The following ARHGEF1 variants were observed in gnomAD, a reference collection of about 807,000 sequenced individuals.
ARHGEF1 encodes 115 kDa guanine nucleotide exchange factor.
ARHGEF1 carries 40 observed loss-of-function variants against 119.7 expected under a neutral mutation model. That is an observed-to-expected ratio of 0.33 (90% confidence interval 0.26 to 0.44). The LOEUF (loss-of-function observed/expected upper bound fraction) is 0.44, where lower values mean the gene tolerates loss of function less well. Ranked by LOEUF, ARHGEF1 falls within the 20% of genes least tolerant of loss-of-function variation. The pLI is 1.00. For synonymous variants in ARHGEF1, 494 were observed against 521.0 expected (o/e 0.95, Z 0.71); for missense variants, 976 against 1,268.3 (o/e 0.77, Z 3.50).
intron 1 of ARHGEF1, among the ~76,000 whole-genome samples, chr19:41,886,539 C>T (rs2074296532): frequency 1.3e-5 from 2 of 152,128 alleles, no homozygotes; most frequent in African/African-American, 4.8e-5. Context: ...CCTTGGCCTC[C>T]CAAAGTGCTG....
downstream of ARHGEF1, chr19:41,909,729 G>C (rs1466513164): frequency 3.9e-6 from 4 of 1,036,596 alleles, no homozygotes; most frequent in East Asian, 1.1e-4. The surrounding 1 kb of genome is among the most constrained non-coding windows in gnomAD (Gnocchi z 5.2). Context: ...CACAAGTAGC[G>C]ATGGTGGCTA....
rs2074634347 is a variant in ARHGEF1, at chr19:41,903,249, C to T, written c.1739-58C>T. 2.0e-6 allele frequency: 3 copies of T among 1,533,186 alleles called. No homozygotes were observed. Among genetic ancestry groups the T allele is most frequent in the African/African-American group, 2.7e-5 (2 of 73,076 alleles). 95.0% of individuals were successfully genotyped at this position (1,533,186 alleles called of 1,614,324 possible). A position where few individuals can be genotyped will look rare whatever the true frequency, so the allele number is the denominator to read the frequency against. On this transcript the variant is annotated intron_variant, in intron 18 of 28. Transcript: ENST00000354532. The surrounding 1 kb of genome is among the most constrained non-coding windows in gnomAD (Gnocchi z 4.2). ...CTGTCCTTTGTCTAACCTTGGCTGCCCAATCTGGAGCCTCCAGGGCAGGGG... is the reference window on the plus strand; with the variant it reads ...CTGTCCTTTGTCTAACCTTGGCTGCTCAATCTGGAGCCTCCAGGGCAGGGG...
In ARHGEF1 at chr19:41,902,645, G is replaced by A; in HGVS notation, c.1610G>A (p.Cys537Tyr). Residue 537 changes from cysteine (C) to tyrosine (Y), a missense_variant, in exon 17 of 29, where the codon TGT (cysteine) becomes TAT (tyrosine). Physicochemically the swap from Cys to Tyr is radical, Grantham distance 194 (BLOSUM62 -2). Transcript: ENST00000354532. This position sits in a 1 kb window ranked among gnomAD's most constrained non-coding sequence, Gnocchi z 6.5. ...KAKQRKDPRF[C>Y]AFVQEAESRP... ...AAGCAACGCAAGGACCCTCGGTTCT[G>A]TGCCTTCGTGCAGGTGAGGTGGGGT... is the stretch of plus-strand genomic sequence containing the variant. 2 of 1,614,234 alleles carry A rather than the reference G, an allele frequency of 1.2e-6. No homozygotes were observed.
In ARHGEF1 at chr19:41,902,973, C is replaced by T. The variant is rs2074629217; in HGVS notation, c.1738+75C>T. On this transcript the variant is annotated intron_variant, in intron 18 of 28. Coordinates refer to ENST00000354532, the MANE Select transcript of ARHGEF1 (RefSeq NM_004706.4). The surrounding 1 kb of genome is among the most constrained non-coding windows in gnomAD (Gnocchi z 6.5). ...CATTTTTTTTCTCACTCATTTTCAT[C>T]AGTGATACCATCACAGCTCACTGCA... is the stretch of plus-strand genomic sequence containing the variant. The T allele has an allele frequency of 1.6e-6, 2 of 1,219,894 alleles. No homozygotes were observed. The highest frequency in any genetic ancestry group is 5.5e-5 in the Admixed American group (2 of 36,462). 75.6% of individuals were successfully genotyped at this position (1,219,894 alleles called of 1,614,324 possible).
chr19:41,902,478 C>CCAT lies in ARHGEF1; in HGVS notation c.1498-54_1498-53insATC. 6.2e-7 allele frequency: 1 copy of CCAT among 1,612,772 alleles called. No individual in the cohort carries two copies. The highest frequency in any genetic ancestry group is 8.5e-7 in the Non-Finnish European group (1 of 1,179,686). On this transcript the variant is annotated intron_variant, in intron 16 of 28. Coordinates refer to ENST00000354532, the MANE Select transcript of ARHGEF1 (RefSeq NM_004706.4). This position sits in a 1 kb window ranked among gnomAD's most constrained non-coding sequence, Gnocchi z 6.5. ...GGCTTCCAGCCTGTCGTACTTTAGTCCCTGTTCTTGCCCATCCCCACTGAG... is the reference window on the plus strand; with the variant it reads ...GGCTTCCAGCCTGTCGTACTTTAGTCCATCCTGTTCTTGCCCATCCCCACTGAG...
At chr19:41,929,629 C>G (rs1276372615) in intron 2 of ARHGEF1, 1 of 152,642 alleles carries the variant, frequency 6.6e-6, no homozygotes, top group East Asian at 1.9e-4. Flanking sequence ...AACCCACCAC[C>G]CCCGACTTTT....
rs370594565 is a variant in ARHGEF1, at chr19:41,906,517, G to A, written c.2552G>A (p.Arg851Gln). The change falls in exon 27 of 29, where the codon CGA becomes CAA. Residue 851 changes from arginine to glutamine, a missense_variant. Physicochemically the swap from Arg to Gln is conservative, Grantham distance 43. This residue lies in a region of ARHGEF1 where 171 missense variants were observed against 180.6 expected (regional missense o/e 0.95). Transcript: ENST00000354532. This position sits in a 1 kb window ranked among gnomAD's most constrained non-coding sequence, Gnocchi z 4.5. ...GAAGACAATGGGGCGGGGCCTCCTC[G>A]AGATGGGGATGGGGTCCCAGGGGGC... ...AEEDNGAGPP[R>Q]DGDGVPGGGP... 43 of 1,581,664 alleles carry A rather than the reference G, an allele frequency of 2.7e-5. No homozygotes were observed. Among genetic ancestry groups the A allele is most frequent in the South Asian group, 5.8e-5 (5 of 85,936 alleles).
At chr19:41,909,512 C>T, downstream of ARHGEF1, 3 of 1,248,280 alleles carry the variant, frequency 2.4e-6, no homozygotes, top group Non-Finnish European at 3.0e-6. The surrounding 1 kb of genome is among the most constrained non-coding windows in gnomAD (Gnocchi z 5.2). Flanking sequence ...GCAGGGGGAG[C>T]CCTGGGGCGG....
Position 41,905,349 on chromosome 19 carries a change from CTG to C in ARHGEF1, c.2336+93_2336+94del, listed in dbSNP as rs1242091048. ...TCCCTCCACAACTCCAGAACCGTCTCTGTGTGAGCATGCACATGTGTGAATGC... is the reference window on the plus strand; with the variant it reads ...TCCCTCCACAACTCCAGAACCGTCTCTGTGAGCATGCACATGTGTGAATGC... On this transcript the variant is annotated intron_variant, in intron 24 of 28. Transcript: ENST00000354532. This position sits in a 1 kb window ranked among gnomAD's most constrained non-coding sequence, Gnocchi z 6.4. 1.7e-6 allele frequency: 2 copies of C among 1,201,842 alleles called. No individual in the cohort carries two copies. Among genetic ancestry groups the C allele is most frequent in the Non-Finnish European group, 1.2e-6 (1 of 847,470 alleles). 74.4% of individuals were successfully genotyped at this position (1,201,842 alleles called of 1,614,324 possible). A position where few individuals can be genotyped will look rare whatever the true frequency, so the allele number is the denominator to read the frequency against.
At chr19:41,909,506 G>A, downstream of ARHGEF1, 1 of 1,250,108 alleles carries the variant, frequency 8.0e-7, no homozygotes, top group Non-Finnish European at 1.0e-6. The surrounding 1 kb of genome is among the most constrained non-coding windows in gnomAD (Gnocchi z 5.2). Flanking sequence ...GGAGGTGCAG[G>A]GGGAGCCCTG....
Position 41,903,287 on chromosome 19 carries a change from G to A in ARHGEF1, c.1739-20G>A. 1.2e-6 allele frequency: 2 copies of A among 1,610,634 alleles called. No individual in the cohort carries two copies. Among genetic ancestry groups the A allele is most frequent in the South Asian group, 2.2e-5 (2 of 91,012 alleles). On this transcript the variant is annotated intron_variant, in intron 18 of 28. Coordinates refer to ENST00000354532, the MANE Select transcript of ARHGEF1 (RefSeq NM_004706.4). The surrounding 1 kb of genome is among the most constrained non-coding windows in gnomAD (Gnocchi z 4.2). ...TCCAGGGCAGGGGTTCACCAGAGCTGCTCTCTCCCTTGCCTGCAGAAGAGC... is the reference window on the plus strand; with the variant it reads ...TCCAGGGCAGGGGTTCACCAGAGCTACTCTCTCCCTTGCCTGCAGAAGAGC...
At chr19:41,897,633 C>G (rs1455285903) in intron 13 of ARHGEF1, 11 of 342,512 alleles carry the variant, frequency 3.2e-5, no homozygotes, top group African/African-American at 2.4e-4. Context: ...CCCAGTGCCC[C>G]TAAAATCCCA....
At chr19:41,928,044 TG>T (rs1258659392) in intron 1 of ARHGEF1, 2 of 152,066 alleles carry the variant, frequency 1.3e-5, no homozygotes, top group Non-Finnish European at 2.9e-5. Flanking sequence ...ACTCACTTTC[TG>T]GGCTTTTCGC....
intron 18 of ARHGEF1, among the ~76,000 whole-genome samples, chr19:41,915,330 C>G (rs536027755): frequency 6.6e-6 from 1 of 151,714 alleles, no homozygotes; most frequent in East Asian, 2.0e-4. Flanking sequence ...GCCCAGCCTT[C>G]GTCCTGTGTC....
At chr19:41,898,258 G>C (rs1258743469) in intron 13 of ARHGEF1, 184 bp from the exon 14 acceptor site, 1 of 1,299,430 alleles carries the variant, frequency 7.7e-7, no homozygotes, top group Non-Finnish European at 1.0e-6. Context: ...GGAGGAGGGG[G>C]TAGAATGCTT....
chr19:41,896,240 C>G (rs577948254), intron 12 of ARHGEF1, 137 bp from the exon 13 acceptor site: 1 of 453,906 alleles, frequency 2.2e-6, no homozygotes, highest in Non-Finnish European at 3.9e-6. Context: ...CTGTCCGTCC[C>G]GTGCTGAAGT....
chr19:41,906,058 C>G lies in ARHGEF1; in HGVS notation c.2491+33C>G, dbSNP rs782391214. On this transcript the variant is annotated intron_variant, in intron 26 of 28. Transcript: ENST00000354532. This position sits in a 1 kb window ranked among gnomAD's most constrained non-coding sequence, Gnocchi z 4.5. ...AGCTCTGCCCCTCCAGGGTGGCCACCAGCCCAAACAGTGCCTCTGTTCCAA... is the reference window on the plus strand; with the variant it reads ...AGCTCTGCCCCTCCAGGGTGGCCACGAGCCCAAACAGTGCCTCTGTTCCAA... 5.1e-6 allele frequency: 8 copies of G among 1,581,784 alleles called. No individual in the cohort carries two copies. Among genetic ancestry groups the G allele is most frequent in the African/African-American group, 1.3e-5 (1 of 74,192 alleles).
Position 41,904,772 on chromosome 19 carries a change from G to C in ARHGEF1, c.2162-177G>C, listed in dbSNP as rs1365167369. On this transcript the variant is annotated intron_variant, in intron 22 of 28. Transcript: ENST00000354532. The surrounding 1 kb of genome is among the most constrained non-coding windows in gnomAD (Gnocchi z 8.4). The stretch of plus-strand genomic sequence containing the variant: ...CCCGATTCCATAAGGAGGTGTGAGA[G>C]GTGGGGCTCAGGAGGACACATCGGG... Among the ~76,000 whole-genome samples the C allele has an allele frequency of 6.6e-6, 1 of 152,134 alleles. No individual in the cohort carries two copies. Among genetic ancestry groups the C allele is most frequent in the Non-Finnish European group, 1.5e-5 (1 of 68,034 alleles).
chr19:41,914,857 C>CTT lies in ARHGEF1; in HGVS notation c.1865+8055_1865+8056insTT, dbSNP rs139456833. Among the ~76,000 whole-genome samples the CTT allele has an allele frequency of 5.9e-3, 32 of 5,390 alleles. 13 individuals are homozygous for CTT. The highest frequency in any genetic ancestry group is 0.03 in the African/African-American group (13 of 438). 3.5% of individuals were successfully genotyped at this position (5,390 alleles called of 152,430 possible). A position where few individuals can be genotyped will look rare whatever the true frequency, so the allele number is the denominator to read the frequency against. On this transcript the variant is annotated intron_variant, in intron 18 of 20. Coordinates refer to the ARHGEF1 transcript ENST00000599589. Reference sequence around the variant, plus strand: ...TTCCACCGTCTCTGTCTCTCCCCCCCTCCACCATCTCTGTCTCTCCCTCCC... The same window carrying CTT: ...TTCCACCGTCTCTGTCTCTCCCCCCCTTTCCACCATCTCTGTCTCTCCCTCCC...
Sources: gnomAD v4.1 joint callset for allele counts (sites outside exome capture counted in the v4.1 genomes callset) on GRCh38, gnomAD v4.1.1 for gene constraint, gnomAD v4.1.1 regional missense constraint, Gnocchi (gnomAD v3.1) non-coding constraint, MANE v1.5 for transcripts, NCBI Gene and HGNC (gene_info 2026-07-23, HGNC 2026-07-21) for gene names.